The following SVEP1 variants were observed in gnomAD, a reference collection of about 807,000 sequenced individuals.
SVEP1 encodes the protein sushi, von Willebrand factor type A, EGF and pentraxin domain-containing protein 1.
In SVEP1, 164 loss-of-function variants were observed where a neutral mutation model predicts 367.3. The ratio of observed to expected loss-of-function variants is 0.45; its 90% CI spans 0.39 to 0.51. SVEP1 has a LOEUF of 0.51. Ranked by LOEUF, SVEP1 falls within the 20% of genes least tolerant of loss-of-function variation. The pLI is 0.00. For synonymous variants in SVEP1, 1,666 were observed against 1,611.6 expected (o/e 1.03, Z -0.81); for missense variants, 4,117 against 4,425.3 (o/e 0.93, Z 1.98).
chr9:110,500,412 T>C (rs571564109), intron 6 of SVEP1, among the ~76,000 whole-genome samples: 49 of 152,336 alleles, frequency 3.2e-4, no homozygotes, highest in Non-Finnish European at 5.4e-4. Flanking sequence ...TTTTTTATTG[T>C]TTGTTTATGG....
At chr9:110,569,903 T>G (rs987260794) in intron 1 of SVEP1, among the ~76,000 whole-genome samples, 1 of 152,218 alleles carries the variant, frequency 6.6e-6, no homozygotes, top group African/African-American at 2.4e-5. Context: ...AATGACTCTA[T>G]GAGAAAGACA....
In SVEP1 at chr9:110,450,272, G is replaced by A. The variant is rs756191977; in HGVS notation, c.3902-12C>T. On this transcript the variant is annotated splice_polypyrimidine_tract_variant and intron_variant, in intron 23 of 47. Transcript: ENST00000374469. Reference sequence around the variant, plus strand: ...TTCACAATGCAGGCCTGAGGATGGAGAAGGAAGAGAAACAGCCCAAATGAT... The same window carrying A: ...TTCACAATGCAGGCCTGAGGATGGAAAAGGAAGAGAAACAGCCCAAATGAT... 8.7e-6 allele frequency: 14 copies of A among 1,613,282 alleles called. No individual in the cohort carries two copies. Among genetic ancestry groups the A allele is most frequent in the Non-Finnish European group, 1.1e-5 (13 of 1,179,442 alleles).
intron 13 of SVEP1, among the ~76,000 whole-genome samples, chr9:110,478,190 T>C (rs2118689748): frequency 6.6e-6 from 1 of 152,336 alleles, no homozygotes; most frequent in African/African-American, 2.4e-5. Context: ...TGCCTCATTC[T>C]TTCAGGTCTC....
chr9:110,578,801 T>G (rs1309345333), intron 1 of SVEP1, among the ~76,000 whole-genome samples: 2 of 152,166 alleles, frequency 1.3e-5, no homozygotes, highest in East Asian at 1.9e-4. Context: ...GAGCCTGACA[T>G]CCCTCTAAGC....
chr9:110,511,396 A>T (rs891298308), intron 5 of SVEP1, among the ~76,000 whole-genome samples: 4 of 133,806 alleles, frequency 3.0e-5, no homozygotes, highest in African/African-American at 8.5e-5. Context: ...TTATTTTTGG[A>T]TTTTTTTGAT....
chr9:110,395,583 T>C (rs931896201), intron 40 of SVEP1, among the ~76,000 whole-genome samples: 5 of 152,050 alleles, frequency 3.3e-5, no homozygotes, highest in African/African-American at 7.3e-5. Flanking sequence ...TCAAGACCCA[T>C]CAGTGTGCTA....
chr9:110,578,884 G>T, intron 1 of SVEP1, 129 bp downstream of exon 1: 3 of 1,038,798 alleles, frequency 2.9e-6, no homozygotes, highest in African/African-American at 1.6e-5. Flanking sequence ...TGGTTTTGTG[G>T]ATGGGGACGC....
intron 46 of SVEP1, 65 bp from the exon 47 acceptor site, chr9:110,370,081 G>A (rs1369875974): frequency 2.8e-6 from 4 of 1,423,566 alleles, no homozygotes; most frequent in African/African-American, 2.8e-5. Context: ...ATCCATAAAG[G>A]CACGTAGGAT....
In SVEP1 at chr9:110,431,995, T is replaced by G. The variant is rs968827127; in HGVS notation, c.5273A>C (p.His1758Pro). The stretch of plus-strand genomic sequence containing the variant: ...TCCATCTACGTTCAGGCAAGAAGCA[T>G]GCTCACTACAATCTGATCCAACTGC... ...ECAVGSDCSEHASCLNVDGSY... is the reference protein window; with the variant it reads ...ECAVGSDCSEPASCLNVDGSY... The change falls in exon 32 of 48, where the codon CAT (histidine) becomes CCT (proline). Residue 1758 changes from histidine (H) to proline (P), a missense_variant. Transcript: ENST00000374469. The G allele has an allele frequency of 3.7e-6, 6 of 1,613,462 alleles. No individual in the cohort carries two copies. The highest frequency in any genetic ancestry group is 5.1e-6 in the Non-Finnish European group (6 of 1,179,656).
rs78441582 is a variant in SVEP1, at chr9:110,471,968, C to T, written c.2764+191G>A. ...GAGAACGAAGTAGGGTGCTTTTCGC[C>T]GTGAGACCTACAAAAGACATCTATG... On this transcript the variant is annotated intron_variant, in intron 15 of 47. Coordinates refer to ENST00000374469, the MANE Select transcript of SVEP1 (RefSeq NM_153366.4). Among the ~76,000 whole-genome samples the T allele has an allele frequency of 6.6e-5, 10 of 152,150 alleles. No homozygotes were observed. In the East Asian group the frequency reaches 1.9e-3, roughly 29 times the overall value.
intron 13 of SVEP1, 40 bp from the exon 14 acceptor site, chr9:110,476,355 T>A (rs775834988): frequency 2.7e-6 from 4 of 1,463,662 alleles, no homozygotes; most frequent in East Asian, 2.3e-5. Context: ...GTAAATCACT[T>A]TTCTGCATGC....
intron 3 of SVEP1, among the ~76,000 whole-genome samples, chr9:110,544,346 T>C (rs116857541): frequency 1.3e-5 from 2 of 152,026 alleles, no homozygotes; most frequent in African/African-American, 2.4e-5. Context: ...TTAATTTCCA[T>C]GGGGATACAG....
chr9:110,384,206 C>G (rs751229613), intron 43 of SVEP1, among the ~76,000 whole-genome samples: 17 of 152,178 alleles, frequency 1.1e-4, no homozygotes, highest in African/African-American at 4.1e-4. Flanking sequence ...TTGCACAGAT[C>G]CATGGAAAAA....
chr9:110,425,008 G>A (rs1011597768), intron 36 of SVEP1, among the ~76,000 whole-genome samples: 15 of 151,950 alleles, frequency 9.9e-5, no homozygotes, highest in African/African-American at 3.4e-4. Context: ...CAAATGTTTT[G>A]TTAAAAATTT....
chr9:110,429,201 T>C lies in SVEP1; in HGVS notation c.5749A>G (p.Ile1917Val), dbSNP rs1467626721. 6.3e-7 allele frequency: 1 copy of C among 1,598,906 alleles called. No individual in the cohort carries two copies. Reference sequence around the variant, plus strand: ...GAAAGGTAGGTAAGCCCACTCAAAATATATTTTCCATTATTTATATTTTCC... The same window carrying C: ...GAAAGGTAGGTAAGCCCACTCAAAACATATTTTCCATTATTTATATTTTCC... Reference protein sequence around the residue: ...SPENINNGKYILSGLTYLSTA... With the variant: ...SPENINNGKYVLSGLTYLSTA... The change falls in exon 35 of 48, where the codon ATT (isoleucine) becomes GTT (valine). Residue 1917 changes from isoleucine to valine, a missense_variant. Transcript: ENST00000374469.
At chr9:110,523,164 A>G (rs1364784947) in intron 3 of SVEP1, among the ~76,000 whole-genome samples, 1 of 152,042 alleles carries the variant, frequency 6.6e-6, no homozygotes, top group East Asian at 1.9e-4. Flanking sequence ...CACTATATCC[A>G]TAGATTTTTC....
intron 22 of SVEP1, among the ~76,000 whole-genome samples, chr9:110,453,876 AC>A (rs1208659586): frequency 7.6e-5 from 5 of 66,054 alleles, no homozygotes; most frequent in African/African-American, 3.2e-4. Flanking sequence ...CTCAAAAAAT[AC>A]AAAAATTAAA....
intron 5 of SVEP1, among the ~76,000 whole-genome samples, chr9:110,506,719 C>T (rs1564162139): frequency 1.3e-5 from 2 of 152,058 alleles, no homozygotes; most frequent in Non-Finnish European, 2.9e-5. Flanking sequence ...CTAACTTAGA[C>T]TCTCTCCAAT....
chr9:110,505,823 T>C (rs578179254), intron 5 of SVEP1, among the ~76,000 whole-genome samples: 1 of 152,132 alleles, frequency 6.6e-6, no homozygotes, highest in Admixed American at 6.6e-5. Context: ...TTCTCTCTTT[T>C]TTTTTTTATT....
Sources: allele counts gnomAD v4.1 joint callset (sites outside exome capture counted in the v4.1 genomes callset), GRCh38; gene constraint gnomAD v4.1.1; transcripts MANE v1.5; gene names NCBI Gene and HGNC (gene_info 2026-07-23, HGNC 2026-07-21).